TIMM23B: variants seen among roughly 807,000 people sequenced by gnomAD.
TIMM23B encodes the protein translocase of inner mitochondrial membrane 23 homolog B.
Under a neutral mutation model 27.3 loss-of-function variants are expected in TIMM23B, and 27 were observed. That is an observed-to-expected ratio of 0.99 (90% CI 0.73 to 1.36). The LOEUF (loss-of-function observed/expected upper bound fraction) is 1.36. TIMM23B is among the 40% of genes most tolerant of loss of function. The pLI, the probability that TIMM23B is intolerant of heterozygous loss-of-function variation, is 0.00. For missense variants in TIMM23B, 205 were observed against 244.2 expected, an observed-to-expected ratio of 0.84 and a Z score of 1.07; for synonymous variants, 73 against 92.4, an observed-to-expected ratio of 0.79 and a Z score of 1.21.
intron 6 of TIMM23B, among the ~76,000 whole-genome samples, chr10:49,961,017 A>G (rs1315834161): frequency 6.6e-6 from 1 of 151,976 alleles, no homozygotes; most frequent in Non-Finnish European, 1.5e-5. Context: ...GATTGGAGGT[A>G]GAAGCCTAAA....
intron 6 of TIMM23B, among the ~76,000 whole-genome samples, chr10:49,965,336 G>T (rs1223776191): frequency 6.6e-6 from 1 of 150,592 alleles, no homozygotes; most frequent in East Asian, 2.0e-4. Flanking sequence ...AATGGGAAAT[G>T]AAATATGAAA....
chr10:49,964,604 C>T (rs1426601691), intron 6 of TIMM23B, among the ~76,000 whole-genome samples: 6 of 144,812 alleles, frequency 4.1e-5, no homozygotes, highest in African/African-American at 1.6e-4. Context: ...AATGAAATGC[C>T]GGGTGAAATG....
At chr10:49,972,984 T>C in intron 6 of TIMM23B, 28 bp from the exon 7 acceptor site, 1 of 1,218,554 alleles carries the variant, frequency 8.2e-7, no homozygotes, top group South Asian at 1.3e-5. Flanking sequence ...ATAATATGTT[T>C]GGTTATTTTT....
intron 2 of TIMM23B, among the ~76,000 whole-genome samples, chr10:49,948,696 C>T (rs1475154917): frequency 6.6e-6 from 1 of 152,130 alleles, no homozygotes; most frequent in African/African-American, 2.4e-5. Context: ...TAGTAGCTGC[C>T]AAGGGTTGGG....
rs550483802 is a variant in TIMM23B at position 49,964,377 on chromosome 10, A to G, written c.514+5897A>G. On this transcript the variant is annotated intron_variant, in intron 6 of 6. Transcript: ENST00000651259. ...TATGAAATGCTGGGTGAAATGAATA[A>G]TGAAATGCCAGGTGTGGTGGCGCAG... Among the ~76,000 whole-genome samples the G allele has an allele frequency of 1.8e-4, 27 of 151,450 alleles. No individual in the cohort carries two copies. In the South Asian group the frequency reaches 5.2e-3, roughly 29 times the overall value.
At chr10:49,964,197 AATG>A (rs1162883167) in intron 6 of TIMM23B, among the ~76,000 whole-genome samples, 1 of 150,228 alleles carries the variant, frequency 6.7e-6, no homozygotes, top group African/African-American at 2.5e-5. Context: ...AGTGAAATGA[AATG>A]AAATGAAATG....
intron 6 of TIMM23B, among the ~76,000 whole-genome samples, chr10:49,969,847 G>A (rs1485439712): frequency 2.0e-5 from 3 of 151,848 alleles, no homozygotes; most frequent in African/African-American, 7.3e-5. Context: ...CCGAGCCGAA[G>A]CTGGACTGTA....
At chr10:49,948,162 C>T (rs1336003076) in intron 2 of TIMM23B, among the ~76,000 whole-genome samples, 2 of 151,840 alleles carry the variant, frequency 1.3e-5, no homozygotes, top group Non-Finnish European at 2.9e-5. Flanking sequence ...GAAATAAAAC[C>T]ACAATGAGAT....
At chr10:49,945,234 C>A in intron 2 of TIMM23B, 144 bp downstream of exon 2, 1 of 680,350 alleles carries the variant, frequency 1.5e-6, no homozygotes, top group Non-Finnish European at 2.5e-6. Flanking sequence ...CTCACAAACA[C>A]CAGGAGCTTG....
Position 49,943,737 on chromosome 10 carries a change from GTTTTTT to G in TIMM23B, c.107-1277_107-1272del, listed in dbSNP as rs35547755. On this transcript the variant is annotated intron_variant, in intron 1 of 6. Coordinates refer to ENST00000651259, the MANE Select transcript of TIMM23B (RefSeq NM_001290117.2). ...GGCAGGACTATAGTGGTTTTTGTGG[GTTTTTT>G]TTTTTTTTTTTTTTTTTGAAAAGAG... is the stretch of plus-strand genomic sequence containing the variant. Among the ~76,000 whole-genome samples, 6 of 113,612 alleles carry G rather than the reference GTTTTTT, an allele frequency of 5.3e-5. No individual in the cohort carries two copies. The East Asian group carries it at 7.3e-4, about 14-fold the overall frequency. 74.5% of individuals were successfully genotyped at this position (113,612 alleles called of 152,430 possible). A position where few individuals can be genotyped will look rare whatever the true frequency, so the allele number is the denominator to read the frequency against.
chr10:49,958,276 G>C (rs1839789492), intron 5 of TIMM23B, 94 bp from the exon 6 acceptor site: 1 of 786,544 alleles, frequency 1.3e-6, no homozygotes, highest in South Asian at 1.5e-5. Context: ...TGGGAGTTAT[G>C]AGCTAGGAAC....
At chr10:49,943,737 G>GTTTTTT (rs35547755) in intron 1 of TIMM23B, among the ~76,000 whole-genome samples, 1 of 113,630 alleles carries the variant, frequency 8.8e-6, no homozygotes, top group African/African-American at 3.5e-5. Context: ...GTTTTTGTGG[G>GTTTTTT]TTTTTTTTTT....
intron 2 of TIMM23B, among the ~76,000 whole-genome samples, chr10:49,945,690 CTT>C (rs1331491854): frequency 6.6e-6 from 1 of 152,086 alleles, no homozygotes; most frequent in East Asian, 1.9e-4. Context: ...CAAAGAGTAT[CTT>C]TTTGAATCCA....
At chr10:49,963,480 A>AGATGAAATGG (rs1464714073) in intron 6 of TIMM23B, among the ~76,000 whole-genome samples, 1 of 152,150 alleles carries the variant, frequency 6.6e-6, no homozygotes, top group Non-Finnish European at 1.5e-5. Flanking sequence ...AGATGACATG[A>AGATGAAATGG]GATGAAATGG....
At chr10:49,960,803 T>TG (rs2133084212) in intron 6 of TIMM23B, among the ~76,000 whole-genome samples, 1 of 152,344 alleles carries the variant, frequency 6.6e-6, no homozygotes, top group South Asian at 2.1e-4. Flanking sequence ...CTGAATTTTC[T>TG]GATGTATCTG....
intron 6 of TIMM23B, among the ~76,000 whole-genome samples, chr10:49,962,224 A>G (rs1839943632): frequency 6.7e-6 from 1 of 149,840 alleles, no homozygotes; most frequent in Admixed American, 6.6e-5. Flanking sequence ...TTTTTTTTTA[A>G]ACGGAGTTTT....
intron 6 of TIMM23B, among the ~76,000 whole-genome samples, chr10:49,967,257 A>T (rs1412697807): frequency 8.6e-5 from 13 of 151,970 alleles, no homozygotes; most frequent in Non-Finnish European, 1.8e-4. Flanking sequence ...TAAAGAGTAC[A>T]TTGGGGATTG....
chr10:49,958,955 A>G (rs1410544210), intron 6 of TIMM23B, among the ~76,000 whole-genome samples: 6 of 152,224 alleles, frequency 3.9e-5, no homozygotes, highest in African/African-American at 1.4e-4. Context: ...TTTTAAAGCT[A>G]AATAATATTC....
rs536138441 is a variant in TIMM23B, at chr10:49,967,242, G to A, written c.515-5770G>A. Among the ~76,000 whole-genome samples, 210 of 151,910 alleles carry A rather than the reference G, an allele frequency of 1.4e-3. 1 individual carries two copies. The highest frequency in any genetic ancestry group is 4.8e-3 in the African/African-American group (198 of 41,444). On this transcript the variant is annotated intron_variant, in intron 6 of 6. Transcript: ENST00000651259. Reference sequence around the variant, plus strand: ...CGGCCCCCTCTTTTTTTAAATTTCTGTATTTAAAGAGTACATTGGGGATTG... The same window carrying A: ...CGGCCCCCTCTTTTTTTAAATTTCTATATTTAAAGAGTACATTGGGGATTG...
Sources: gnomAD v4.1 joint callset for allele counts (sites outside exome capture counted in the v4.1 genomes callset) on GRCh38, gnomAD v4.1.1 for gene constraint, MANE v1.5 for transcripts, NCBI Gene and HGNC (gene_info 2026-07-23, HGNC 2026-07-21) for gene names.